The following AFAP1 variants were observed in gnomAD, a reference collection of about 807,000 sequenced individuals.
AFAP1 encodes actin filament associated protein 1, also known as actin filament-associated protein 1.
A neutral mutation model predicts 93.9 loss-of-function variants in AFAP1; 75 were observed. The observed-to-expected ratio is 0.80, with a 90% confidence interval of 0.66 to 0.97. The LOEUF (loss-of-function observed/expected upper bound fraction) is 0.97. AFAP1 is among the 50% of genes least tolerant of loss of function. AFAP1 has a pLI of 0.00. For missense variants in AFAP1, 1,201 were observed against 1,050.8 expected (o/e 1.14, Z -1.98); for synonymous variants, 517 against 430.7 (o/e 1.20, Z -2.48).
chr4:7,939,653 C>T lies in AFAP1; in HGVS notation c.-3+3G>A, dbSNP rs566760602. 2.7e-4 allele frequency: 115 copies of T among 419,556 alleles called. 1 individual carries two copies. In the East Asian group the frequency reaches 0.01, roughly 37 times the overall value. The allele number at this position is 419,556 out of a possible 1,614,324, so 26.0% of individuals were successfully genotyped here. Reference sequence around the variant, plus strand: ...GACCCTGCCGCCAGTCGCGCCGTCTCACCTCAGGCCGCCACCTCGCAGCGC... The same window carrying T: ...GACCCTGCCGCCAGTCGCGCCGTCTTACCTCAGGCCGCCACCTCGCAGCGC... On this transcript the variant is annotated splice_donor_region_variant and intron_variant, in intron 1 of 17. Transcript: ENST00000420658. The surrounding 1 kb of genome is among the most constrained non-coding windows in gnomAD (Gnocchi z 5.6).
intron 1 of AFAP1, among the ~76,000 whole-genome samples, chr4:7,880,349 G>C (rs1717770830): frequency 7.7e-6 from 1 of 129,798 alleles, no homozygotes; most frequent in South Asian, 2.5e-4. Context: ...GCATAATCTT[G>C]GCTCACTGCA....
intron 8 of AFAP1, among the ~76,000 whole-genome samples, chr4:7,810,052 G>A (rs1560172964): frequency 6.6e-6 from 1 of 152,244 alleles, no homozygotes; most frequent in South Asian, 2.1e-4. Context: ...TTGTAGAAAT[G>A]GGGTTTCCCC....
At chr4:7,934,923 G>C (rs1025716129) in intron 1 of AFAP1, among the ~76,000 whole-genome samples, 1 of 152,146 alleles carries the variant, frequency 6.6e-6, no homozygotes, top group African/African-American at 2.4e-5. Flanking sequence ...TGAAGAGATT[G>C]TTAAAGACTA....
chr4:7,815,946 A>G, intron 8 of AFAP1, 72 bp downstream of exon 8: 1 of 1,384,742 alleles, frequency 7.2e-7, no homozygotes, highest in South Asian at 1.3e-5. Flanking sequence ...AGACTTTACA[A>G]ACCTGGCTGT....
intron 17 of AFAP1, 35 bp downstream of exon 17, chr4:7,768,809 A>C (rs778836136): frequency 1.3e-6 from 2 of 1,528,134 alleles, no homozygotes; most frequent in Non-Finnish European, 1.8e-6. Context: ...GTGCCTGCCC[A>C]GGACACCCAG....
chr4:7,870,985 G>C (rs1338631913), intron 2 of AFAP1, among the ~76,000 whole-genome samples: 1 of 152,166 alleles, frequency 6.6e-6, no homozygotes, highest in African/African-American at 2.4e-5. Flanking sequence ...TCATCCGGCA[G>C]ACTATCTCCA....
chr4:7,885,576 T>C (rs1157313221), intron 1 of AFAP1, among the ~76,000 whole-genome samples: 2 of 152,226 alleles, frequency 1.3e-5, no homozygotes, highest in South Asian at 2.1e-4. Flanking sequence ...ACTTCTCTCT[T>C]TGCCCAGAAT....
chr4:7,816,851 G>A (rs756924831), intron 7 of AFAP1, among the ~76,000 whole-genome samples: 4 of 152,192 alleles, frequency 2.6e-5, no homozygotes, highest in Non-Finnish European at 4.4e-5. Flanking sequence ...AGGAACATGT[G>A]TGTTCAACTC....
chr4:7,816,162 G>A (rs1720459440), intron 7 of AFAP1, 63 bp from the exon 8 acceptor site: 1 of 1,366,064 alleles, frequency 7.3e-7, no homozygotes, highest in African/African-American at 1.5e-5. Flanking sequence ...GATGTGTGAT[G>A]GATCAACCAA....
chr4:7,777,751 T>TCTTC (rs1398149006), intron 14 of AFAP1: 1 of 152,152 alleles, frequency 6.6e-6, no homozygotes, highest in African/African-American at 2.4e-5. Flanking sequence ...CTCTGGGAAA[T>TCTTC]CTTCCTGGAC....
intron 9 of AFAP1, among the ~76,000 whole-genome samples, chr4:7,804,755 G>T (rs564906845): frequency 1.8e-3 from 272 of 152,274 alleles, no homozygotes; most frequent in Non-Finnish European, 3.2e-3. Context: ...GGTTACATGT[G>T]GCCAAAACGT....
intron 1 of AFAP1, among the ~76,000 whole-genome samples, chr4:7,935,751 G>C (rs145983594): frequency 2.0e-4 from 31 of 152,290 alleles, no homozygotes; most frequent in African/African-American, 7.2e-4. Context: ...TTCAGTGATA[G>C]AGCGAATTAA....
At chr4:7,877,103 T>C (rs1159276331) in intron 1 of AFAP1, among the ~76,000 whole-genome samples, 3 of 152,176 alleles carry the variant, frequency 2.0e-5, no homozygotes, top group African/African-American at 7.2e-5. Flanking sequence ...AAGGTTTACT[T>C]GGGTTTTTGT....
intron 6 of AFAP1, among the ~76,000 whole-genome samples, chr4:7,823,623 C>G (rs1721168441): frequency 6.6e-6 from 1 of 152,178 alleles, no homozygotes; most frequent in South Asian, 2.1e-4. Context: ...ACGACGCTGC[C>G]CAGCATCAAA....
At chr4:7,769,827 T>C (rs12501412) in intron 16 of AFAP1, among the ~76,000 whole-genome samples, 33,441 of 152,266 alleles carry the variant, frequency 0.22, 4,478 homozygotes, top group African/African-American at 0.39. Flanking sequence ...CGGGGTCCCC[T>C]GTGGGCTTTA....
intron 8 of AFAP1, among the ~76,000 whole-genome samples, chr4:7,812,108 A>G (rs1720097175): frequency 6.6e-6 from 1 of 151,996 alleles, no homozygotes; most frequent in South Asian, 2.1e-4. Flanking sequence ...CTTCAACCAA[A>G]CCAAGAGGGA....
intron 5 of AFAP1, among the ~76,000 whole-genome samples, chr4:7,842,301 C>CAAAAAAAAAA (rs57050150): frequency 4.0e-3 from 381 of 94,716 alleles, no homozygotes; most frequent in Middle Eastern, 7.1e-3. Context: ...CCTGGATTTA[C>CAAAAAAAAAA]AAAAAAAAAA....
chr4:7,775,084 T>A, intron 14 of AFAP1, 181 bp from the exon 15 acceptor site: 1 of 670,410 alleles, frequency 1.5e-6, no homozygotes, highest in African/African-American at 1.8e-5. Context: ...GAGGCTGCAG[T>A]GAGCTGTGAT....
chr4:7,911,442 GCTTT>G (rs992431230), intron 1 of AFAP1, among the ~76,000 whole-genome samples: 10 of 152,198 alleles, frequency 6.6e-5, no homozygotes, highest in South Asian at 2.1e-4. Flanking sequence ...CTATGAATGT[GCTTT>G]CTATCATTTT....
Sources: allele counts gnomAD v4.1 joint callset (sites outside exome capture counted in the v4.1 genomes callset), GRCh38; gene constraint gnomAD v4.1.1; non-coding constraint Gnocchi (gnomAD v3.1); transcripts MANE v1.5; gene names NCBI Gene and HGNC (gene_info 2026-07-23, HGNC 2026-07-21).